Variants in CYB5RL observed in about 807,000 individuals in gnomAD.
CYB5RL encodes NADH-cytochrome b5 reductase-like.
A neutral mutation model predicts 37.5 loss-of-function variants in CYB5RL; 38 were observed. The observed-to-expected ratio is 1.01, with a 90% CI of 0.78 to 1.33. CYB5RL has a LOEUF of 1.33. CYB5RL is among the 40% of genes most tolerant of loss of function. The pLI is 0.00. For synonymous variants in CYB5RL, 141 were observed against 151.9 expected (o/e 0.93, Z 0.53); for missense variants, 388 against 394.4 (o/e 0.98, Z 0.14).
intron 7 of CYB5RL, among the ~76,000 whole-genome samples, chr1:54,178,843 T>C (rs559955478): frequency 1.3e-5 from 2 of 152,312 alleles, no homozygotes; most frequent in South Asian, 4.1e-4. Context: ...CAGAGGGCGA[T>C]GGGAGGCAGT....
At chr1:54,185,275 T>TG (rs924938621) in intron 5 of CYB5RL, 13 of 150,742 alleles carry the variant, frequency 8.6e-5, no homozygotes, top group African/African-American at 3.2e-4. Context: ...GATGGCTTCC[T>TG]GGGGGAGGAA....
In CYB5RL at chr1:54,195,650, G is replaced by C; in HGVS notation, c.-34C>G. ...CTTGGGCAGCCTAGAAGGAACAACT[G>C]GGTGCTCTTCCAGAACAGGCCAGGC... On this transcript the variant is annotated 5_prime_UTR_variant, in exon 3 of 8. Coordinates refer to ENST00000534324, the MANE Select transcript of CYB5RL (RefSeq NM_001031672.4). 1 of 1,572,226 alleles carries C rather than the reference G, an allele frequency of 6.4e-7. No individual in the cohort carries two copies. The highest frequency in any genetic ancestry group is 1.3e-5 in the African/African-American group (1 of 74,402).
intron 6 of CYB5RL, chr1:54,180,159 C>A (rs780868059): frequency 9.6e-6 from 4 of 417,908 alleles, no homozygotes; most frequent in Non-Finnish European, 1.4e-5. Context: ...ATTGCTTGAG[C>A]CTGGGAGGCA....
At chr1:54,199,919 TGTCTAA>T (rs1024519499) in intron 1 of CYB5RL, 51 bp downstream of exon 1, 1 of 334,686 alleles carries the variant, frequency 3.0e-6, no homozygotes, top group African/African-American at 2.1e-5. Context: ...CAGTCAACCT[TGTCTAA>T]GTCCAGGTCT....
rs747365310 is a variant in CYB5RL, at chr1:54,179,171, C to A, written c.722G>T (p.Arg241Leu). ...CACCTGGCTGAGTACAAAGAAGGTACGGACATTCCAGAAACGGGCCTGCTC... is the reference window on the plus strand; with the variant it reads ...CACCTGGCTGAGTACAAAGAAGGTAAGGACATTCCAGAAACGGGCCTGCTC... ...LQEQARFWNV[R>L]TFFVLSQESS... is the part of the protein sequence containing the mutation. The change falls in exon 7 of 8, where the codon CGT becomes CTT. Residue 241 changes from arginine to leucine, a missense_variant. Arg to Leu is a moderately radical substitution (Grantham distance 102). Coordinates refer to ENST00000534324, the MANE Select transcript of CYB5RL (RefSeq NM_001031672.4). The A allele has an allele frequency of 6.2e-7, 1 of 1,613,074 alleles. No homozygotes were observed. The highest frequency in any genetic ancestry group is 2.2e-5 in the East Asian group (1 of 44,872).
intron 6 of CYB5RL, among the ~76,000 whole-genome samples, chr1:54,179,800 C>T (rs2100461576): frequency 6.6e-6 from 1 of 152,336 alleles, no homozygotes; most frequent in Non-Finnish European, 1.5e-5. Flanking sequence ...CATTCCAGCC[C>T]TGCTCTCTGG....
At chr1:54,185,861 C>T (rs1660276545) in intron 5 of CYB5RL, 2 of 152,296 alleles carry the variant, frequency 1.3e-5, no homozygotes, top group African/African-American at 4.8e-5. Flanking sequence ...TGGGAGGGAC[C>T]CAGTGGGAGG....
intron 2 of CYB5RL, 21 bp from the exon 3 acceptor site, chr1:54,195,736 G>C (rs1233028359): frequency 2.5e-6 from 3 of 1,176,994 alleles, no homozygotes; most frequent in African/African-American, 1.5e-5. Context: ...GAAAACATGG[G>C]GGTTATTCTC....
At chr1:54,194,851 T>C (rs1163733383) in intron 3 of CYB5RL, among the ~76,000 whole-genome samples, 27 of 152,208 alleles carry the variant, frequency 1.8e-4, no homozygotes, top group Admixed American at 1.6e-3. Context: ...ATCTGTGTTA[T>C]ACAGGGGGTG....
In CYB5RL at chr1:54,184,173, A is replaced by C; in HGVS notation, c.528T>G (p.Tyr176Ter). The change falls in exon 6 of 8, where the codon TAT becomes TAG. Residue 176 changes from tyrosine to a stop codon, truncating the protein, a stop_gained. Transcript: ENST00000534324. LOFTEE classifies it high-confidence loss of function. ...TGCTGGCACTGACCTGGTTTGGTTT[A>C]TAGAAGAAATCTCCGAAAGGTCCTC... ...FWRGPFGDFF[Y>*]KPNQYGELLL... 1 of 1,613,326 alleles carries C rather than the reference A, an allele frequency of 6.2e-7. No individual in the cohort carries two copies. The highest frequency in any genetic ancestry group is 8.5e-7 in the Non-Finnish European group (1 of 1,179,682).
Position 54,174,416 on chromosome 1 carries a change from T to A in CYB5RL, c.*203A>T, listed in dbSNP as rs1353128600. On this transcript the variant is annotated 3_prime_UTR_variant, in exon 8 of 8. Transcript: ENST00000534324. ...CCCTACAGCCCATCCTCCTTCTACA[T>A]AGTAGGAGGCCAGGAGGAGTGATTA... 1 of 595,174 alleles carries A rather than the reference T, an allele frequency of 1.7e-6. No individual in the cohort carries two copies. Among genetic ancestry groups the A allele is most frequent in the Non-Finnish European group, 2.9e-6 (1 of 340,574 alleles). 36.9% of individuals were successfully genotyped at this position (595,174 alleles called of 1,614,324 possible). A position where few individuals can be genotyped will look rare whatever the true frequency, so the allele number is the denominator to read the frequency against.
At position 54,170,554 on chromosome 1, in the gene CYB5RL, A is replaced by G. The variant is rs1028960975; in HGVS notation, c.*4065T>C. On this transcript the variant is annotated 3_prime_UTR_variant, in exon 8 of 8. Coordinates refer to ENST00000534324, the MANE Select transcript of CYB5RL (RefSeq NM_001031672.4). ...CTCAGCCTCCCGAGTAGCTGGGACT[A>G]TAGGCGCATGCCACGCCTGGCTAAT... 1.3e-5 allele frequency: 2 copies of G among 156,480 alleles called. No individual in the cohort carries two copies. Among genetic ancestry groups the G allele is most frequent in the Non-Finnish European group, 2.8e-5 (2 of 70,394 alleles). 9.7% of individuals were successfully genotyped at this position (156,480 alleles called of 1,614,324 possible). A position where few individuals can be genotyped will look rare whatever the true frequency, so the allele number is the denominator to read the frequency against.
chr1:54,191,551 C>T (rs947931875), intron 3 of CYB5RL, among the ~76,000 whole-genome samples: 2 of 152,228 alleles, frequency 1.3e-5, no homozygotes, highest in East Asian at 3.8e-4. Flanking sequence ...CAACCTGCAT[C>T]TCCTCCAGGA....
chr1:54,197,316 T>C (rs1570126603), intron 1 of CYB5RL, among the ~76,000 whole-genome samples: 2 of 136,358 alleles, frequency 1.5e-5, no homozygotes, highest in Admixed American at 1.4e-4. Flanking sequence ...TCTTTTCTTT[T>C]CTTTTTTTTT....
At position 54,174,960 on chromosome 1, in the gene CYB5RL, G is replaced by A; in HGVS notation, c.745-138C>T. On this transcript the variant is annotated intron_variant, in intron 7 of 7. Coordinates refer to ENST00000534324, the MANE Select transcript of CYB5RL (RefSeq NM_001031672.4). ...CCAACCTATATCCAGGCCCACCATG[G>A]GCCAGGCATTTCCTCCTTATCTCCA... The A allele has an allele frequency of 7.5e-6, 6 of 795,722 alleles. 1 individual carries two copies. In the South Asian group the frequency reaches 1.0e-4, roughly 14 times the overall value. The allele number at this position is 795,722 out of a possible 1,614,324, so 49.3% of individuals were successfully genotyped here.
intron 6 of CYB5RL, among the ~76,000 whole-genome samples, chr1:54,183,562 G>A (rs1660216239): frequency 6.6e-6 from 1 of 152,212 alleles, no homozygotes; most frequent in Non-Finnish European, 1.5e-5. Flanking sequence ...CTGTGAAATT[G>A]GAAAGGCGCC....
At position 54,200,002 on chromosome 1, in the gene CYB5RL, G is replaced by C. The variant is rs1185484114; in HGVS notation, c.-249C>G. 3.7e-6 allele frequency: 2 copies of C among 538,224 alleles called. No individual in the cohort carries two copies. The highest frequency in any genetic ancestry group is 2.6e-5 in the South Asian group (1 of 37,808). The allele number at this position is 538,224 out of a possible 1,614,324, so 33.3% of individuals were successfully genotyped here. The stretch of plus-strand genomic sequence containing the variant: ...TACTCGCCTGCGCTTCACCTCACGT[G>C]AGGATTTTCCAGGTTCCTCCCAGTC... On this transcript the variant is annotated 5_prime_UTR_variant, in exon 1 of 8. Coordinates refer to ENST00000534324, the MANE Select transcript of CYB5RL (RefSeq NM_001031672.4).
In CYB5RL at chr1:54,197,552, A is replaced by G. The variant is rs564486410; in HGVS notation, c.-222-1061T>C. 2.0e-5 allele frequency among the ~76,000 whole-genome samples: 3 copies of G among 152,128 alleles called. No individual in the cohort carries two copies. In the East Asian group the frequency reaches 5.8e-4, roughly 29 times the overall value. ...GGACCTCTGTGAAGGGCATCTATGC[A>G]TGTTCACAATGGCTGGCTTGCTGAT... On this transcript the variant is annotated intron_variant, in intron 1 of 7. Coordinates refer to ENST00000534324, the MANE Select transcript of CYB5RL (RefSeq NM_001031672.4).
In CYB5RL at chr1:54,190,915, C is replaced by T; in HGVS notation, c.199-19G>A. The T allele has an allele frequency of 6.2e-7, 1 of 1,608,340 alleles. No homozygotes were observed. The highest frequency in any genetic ancestry group is 8.5e-7 in the Non-Finnish European group (1 of 1,177,856). On this transcript the variant is annotated intron_variant, in intron 3 of 7. Coordinates refer to ENST00000534324, the MANE Select transcript of CYB5RL (RefSeq NM_001031672.4). ...GGCAGCTCTGCAACAGGAAGAGATC[C>T]AACAGCTAGAGGCCGGGGCTCCACA...
Sources: allele counts gnomAD v4.1 joint callset (sites outside exome capture counted in the v4.1 genomes callset), GRCh38; gene constraint gnomAD v4.1.1; transcripts MANE v1.5; gene names NCBI Gene and HGNC (gene_info 2026-07-23, HGNC 2026-07-21).